COMMD10: variants seen among roughly 807,000 people sequenced by gnomAD.
COMMD10 encodes COMM domain containing 10.
Under a neutral mutation model 28.9 loss-of-function variants are expected in COMMD10, and 33 were observed. The observed-to-expected ratio is 1.14, with a 90% CI of 0.87 to 1.53. The LOEUF (loss-of-function observed/expected upper bound fraction) is 1.53, where lower values mean the gene tolerates loss of function less well. Ranked by LOEUF, COMMD10 falls within the 40% of genes most tolerant of loss-of-function variation. The pLI is 0.00. For missense variants in COMMD10, 310 were observed against 233.4 expected, an observed-to-expected ratio of 1.33 and a Z score of -2.14; for synonymous variants, 110 against 81.7, an observed-to-expected ratio of 1.35 and a Z score of -1.87.
At chr5:116,115,661 C>G (rs1197770884) in intron 4 of COMMD10, among the ~76,000 whole-genome samples, 1 of 152,052 alleles carries the variant, frequency 6.6e-6, no homozygotes, top group African/African-American at 2.4e-5. Flanking sequence ...AAATTGAATG[C>G]TATGTTTAAT....
intron 3 of COMMD10, among the ~76,000 whole-genome samples, chr5:116,092,280 G>T (rs1214877712): frequency 6.6e-6 from 1 of 151,982 alleles, no homozygotes; most frequent in African/African-American, 2.4e-5. Flanking sequence ...AAGTTTTTTG[G>T]TTTTTAAGTG....
chr5:116,148,814 A>G (rs1295579014), intron 5 of COMMD10, among the ~76,000 whole-genome samples: 3 of 151,756 alleles, frequency 2.0e-5, no homozygotes, highest in African/African-American at 4.8e-5. Context: ...TTAAAATTAC[A>G]TATATTATGG....
chr5:116,143,553 T>G (rs80154898), intron 5 of COMMD10, among the ~76,000 whole-genome samples: 1,995 of 151,800 alleles, frequency 0.013, 35 homozygotes, highest in African/African-American at 0.044. Flanking sequence ...GTGTAGTCTC[T>G]GAAACCCAGA....
chr5:116,242,429 T>C (rs1462951216), intron 5 of COMMD10, among the ~76,000 whole-genome samples: 1 of 152,202 alleles, frequency 6.6e-6, no homozygotes, highest in Non-Finnish European at 1.5e-5. Flanking sequence ...CAAGTCATTT[T>C]AACAGTTATC....
chr5:116,113,498 T>C (rs1751128542), intron 4 of COMMD10, among the ~76,000 whole-genome samples: 1 of 151,986 alleles, frequency 6.6e-6, no homozygotes, highest in Non-Finnish European at 1.5e-5. Flanking sequence ...TTTTTCTTAT[T>C]TTTAAAATTT....
At chr5:116,262,255 A>C (rs1052721756) in intron 5 of COMMD10, among the ~76,000 whole-genome samples, 1 of 151,696 alleles carries the variant, frequency 6.6e-6, no homozygotes, top group Non-Finnish European at 1.5e-5. Context: ...TAAAATTTCT[A>C]CATCCCTCAA....
intron 5 of COMMD10, among the ~76,000 whole-genome samples, chr5:116,231,457 G>T (rs944751205): frequency 6.6e-6 from 1 of 152,068 alleles, no homozygotes; most frequent in African/African-American, 2.4e-5. Context: ...GAGGATGCAG[G>T]TAATGTATTT....
Position 116,215,695 on chromosome 5 carries a change from A to AATAT in COMMD10, c.511-75789_511-75786dup, listed in dbSNP as rs58135204. Among the ~76,000 whole-genome samples the AATAT allele has an allele frequency of 9.9e-3, 1,320 of 133,628 alleles. 11 individuals carry two copies. Among genetic ancestry groups the AATAT allele is most frequent in the South Asian group, 0.015 (61 of 3,956 alleles). 87.7% of individuals were successfully genotyped at this position (133,628 alleles called of 152,430 possible). Reference sequence around the variant, plus strand: ...GAGTGGGAGTCCAGCTAAAAAAAGAAATATATATATATATATATATATATA... The same window carrying AATAT: ...GAGTGGGAGTCCAGCTAAAAAAAGAAATATATATATATATATATATATATATATA... On this transcript the variant is annotated intron_variant, in intron 5 of 6. Coordinates refer to ENST00000274458, the MANE Select transcript of COMMD10 (RefSeq NM_016144.4).
At chr5:116,220,811 T>C (rs1580559689) in intron 5 of COMMD10, among the ~76,000 whole-genome samples, 1 of 152,140 alleles carries the variant, frequency 6.6e-6, no homozygotes, top group South Asian at 2.1e-4. Flanking sequence ...TTTAAAAAAT[T>C]ATTTTAAAGG....
At chr5:116,281,327 A>G (rs1751062841) in intron 5 of COMMD10, among the ~76,000 whole-genome samples, 1 of 151,720 alleles carries the variant, frequency 6.6e-6, no homozygotes, top group Admixed American at 6.6e-5. Flanking sequence ...TTCCATGGGA[A>G]TTTTGCTAAT....
At chr5:116,131,080 T>C in intron 4 of COMMD10, among the ~76,000 whole-genome samples, 1 of 151,864 alleles carries the variant, frequency 6.6e-6, no homozygotes, top group South Asian at 2.1e-4. Context: ...GAACACTTAA[T>C]TGGAGAAATT....
intron 5 of COMMD10, among the ~76,000 whole-genome samples, chr5:116,149,604 C>T (rs908085530): frequency 1.5e-4 from 23 of 150,960 alleles, no homozygotes; most frequent in African/African-American, 5.4e-4. Context: ...GTCTGATGGC[C>T]AGTGATGGTG....
intron 5 of COMMD10, among the ~76,000 whole-genome samples, chr5:116,204,390 G>A (rs1748757765): frequency 6.6e-6 from 1 of 151,942 alleles, no homozygotes; most frequent in Admixed American, 6.6e-5. Flanking sequence ...GCTTGTTATT[G>A]TTTGTAATAC....
At chr5:116,161,636 GTTA>G (rs1415540393) in intron 5 of COMMD10, among the ~76,000 whole-genome samples, 1 of 152,086 alleles carries the variant, frequency 6.6e-6, no homozygotes, top group Non-Finnish European at 1.5e-5. Flanking sequence ...AAAAGAAAAT[GTTA>G]TTAAGAAAAT....
chr5:116,160,638 G>T (rs1418820939), intron 5 of COMMD10, among the ~76,000 whole-genome samples: 2 of 152,036 alleles, frequency 1.3e-5, no homozygotes, highest in Non-Finnish European at 2.9e-5. Flanking sequence ...ACAAAGTAAT[G>T]CCTGTATTGA....
At chr5:116,191,306 G>T (rs1002906864) in intron 5 of COMMD10, among the ~76,000 whole-genome samples, 1 of 152,044 alleles carries the variant, frequency 6.6e-6, no homozygotes, top group East Asian at 1.9e-4. Context: ...CCAGAACTCG[G>T]GTGAGGACAC....
intron 5 of COMMD10, among the ~76,000 whole-genome samples, chr5:116,247,519 C>G (rs542366584): frequency 6.6e-6 from 1 of 151,980 alleles, no homozygotes; most frequent in Admixed American, 6.6e-5. Context: ...AAGACACATA[C>G]GTATGTTCAT....
intron 5 of COMMD10, among the ~76,000 whole-genome samples, chr5:116,189,649 T>C (rs367604592): frequency 6.6e-6 from 1 of 152,176 alleles, no homozygotes; most frequent in East Asian, 1.9e-4. Context: ...CAATATCTTA[T>C]TATGATTAAT....
At chr5:116,104,393 T>C (rs998656768) in intron 4 of COMMD10, among the ~76,000 whole-genome samples, 12 of 152,194 alleles carry the variant, frequency 7.9e-5, no homozygotes, top group African/African-American at 2.9e-4. Flanking sequence ...CTAGGTATTG[T>C]ATCCTTTTTG....
Sources: gnomAD v4.1 joint callset for allele counts (sites outside exome capture counted in the v4.1 genomes callset) on GRCh38, gnomAD v4.1.1 for gene constraint, MANE v1.5 for transcripts, NCBI Gene and HGNC (gene_info 2026-07-23, HGNC 2026-07-21) for gene names.